MYO1B: variants seen among roughly 807,000 people sequenced by gnomAD.
MYO1B encodes the protein myosin IB.
In MYO1B, 72 loss-of-function variants were observed where a neutral mutation model predicts 159.7. The observed-to-expected ratio is 0.45, with a 90% CI of 0.37 to 0.55. MYO1B has a LOEUF of 0.55. Ranked by LOEUF, MYO1B falls within the 20% of genes least tolerant of loss-of-function variation. The probability of loss-of-function intolerance (pLI) is 0.00; values close to 1 mark genes in which losing one functional copy is unlikely to be tolerated. For synonymous variants in MYO1B, 468 were observed against 473.8 expected, an observed-to-expected ratio of 0.99 and a Z score of 0.16; for missense variants, 1,062 against 1,364.8, an observed-to-expected ratio of 0.78 and a Z score of 3.50.
At chr2:191,280,068 A>G (rs745914697) in intron 2 of MYO1B, among the ~76,000 whole-genome samples, 13 of 152,224 alleles carry the variant, frequency 8.5e-5, no homozygotes, top group Non-Finnish European at 1.8e-4. Context: ...AGAAATGAAA[A>G]ATAGTCTGTA....
chr2:191,369,652 T>A (rs1461960203), intron 12 of MYO1B, 24 bp downstream of exon 12: 1 of 1,556,406 alleles, frequency 6.4e-7, no homozygotes, highest in South Asian at 1.1e-5. Context: ...ATGAGCAAAA[T>A]CAGTTGTAAT....
At chr2:191,393,372 G>A in intron 20 of MYO1B, 150 bp downstream of exon 20, 2 of 1,004,932 alleles carry the variant, frequency 2.0e-6, no homozygotes, top group South Asian at 3.9e-5. Context: ...TTTTTTTAAA[G>A]ATGAGAAAAC....
At chr2:191,396,998 T>A (rs527720519) in intron 21 of MYO1B, among the ~76,000 whole-genome samples, 1 of 152,246 alleles carries the variant, frequency 6.6e-6, no homozygotes, top group East Asian at 1.9e-4. Flanking sequence ...CAAGGCTTGG[T>A]TCAAGGGTCA....
At chr2:191,321,983 A>G (rs1436819107) in intron 3 of MYO1B, among the ~76,000 whole-genome samples, 1 of 151,614 alleles carries the variant, frequency 6.6e-6, no homozygotes, top group African/African-American at 2.4e-5. Context: ...GCTTCCACAT[A>G]CTCTTCCATT....
At chr2:191,258,448 C>T (rs754812388) in intron 1 of MYO1B, among the ~76,000 whole-genome samples, 9 of 152,190 alleles carry the variant, frequency 5.9e-5, no homozygotes, top group Admixed American at 3.3e-4. Context: ...CTGTACACTG[C>T]TGTAGACTTT....
intron 3 of MYO1B, among the ~76,000 whole-genome samples, chr2:191,301,458 A>T (rs1689327984): frequency 6.6e-6 from 1 of 152,204 alleles, no homozygotes; most frequent in African/African-American, 2.4e-5. Flanking sequence ...TCACAACATG[A>T]CACCACAAGT....
intron 6 of MYO1B, among the ~76,000 whole-genome samples, chr2:191,346,496 C>A (rs1029861381): frequency 6.6e-6 from 1 of 152,074 alleles, no homozygotes; most frequent in East Asian, 1.9e-4. Context: ...ATCATGTTTT[C>A]TTGACATCTT....
chr2:191,375,193 T>C (rs1694619445), intron 13 of MYO1B, among the ~76,000 whole-genome samples: 1 of 152,204 alleles, frequency 6.6e-6, no homozygotes, highest in Non-Finnish European at 1.5e-5. Context: ...GACCCATATA[T>C]GGTAAGAGTA....
At chr2:191,315,675 AGACT>A (rs1483892848) in intron 3 of MYO1B, among the ~76,000 whole-genome samples, 6 of 152,238 alleles carry the variant, frequency 3.9e-5, no homozygotes, top group South Asian at 2.1e-4. Context: ...TTCTCCTGTG[AGACT>A]GACTATGTGA....
At chr2:191,312,717 A>T (rs897563554) in intron 3 of MYO1B, among the ~76,000 whole-genome samples, 2 of 152,248 alleles carry the variant, frequency 1.3e-5, no homozygotes, top group African/African-American at 2.4e-5. Flanking sequence ...TAAAACATAC[A>T]CAAGACTGGG....
chr2:191,350,720 GATACACTT>G (rs1179422643), intron 7 of MYO1B, among the ~76,000 whole-genome samples: 3 of 151,814 alleles, frequency 2.0e-5, no homozygotes, highest in Non-Finnish European at 4.4e-5. Context: ...ATTGGAATGT[GATACACTT>G]GTTAGGTAAA....
At chr2:191,328,450 G>A (rs886493205) in intron 3 of MYO1B, among the ~76,000 whole-genome samples, 9 of 152,176 alleles carry the variant, frequency 5.9e-5, no homozygotes, top group East Asian at 1.9e-4. Context: ...GTGGTCAGTC[G>A]CAGGCGTTAG....
intron 5 of MYO1B, among the ~76,000 whole-genome samples, chr2:191,345,597 A>G (rs1692517787): frequency 6.6e-6 from 1 of 152,194 alleles, no homozygotes; most frequent in Non-Finnish European, 1.5e-5. Flanking sequence ...ATTTTGCATT[A>G]TGGGCCAAAT....
intron 2 of MYO1B, among the ~76,000 whole-genome samples, chr2:191,295,320 G>T (rs1688919806): frequency 6.6e-6 from 1 of 152,146 alleles, no homozygotes; most frequent in African/African-American, 2.4e-5. Context: ...GGAATTTAGG[G>T]TCGAAGTAGA....
At chr2:191,423,717 G>A (rs1698086834) in intron 30 of MYO1B, 120 bp from the exon 31 acceptor site, 1 of 1,081,756 alleles carries the variant, frequency 9.2e-7, no homozygotes, top group African/African-American at 1.6e-5. Flanking sequence ...TTCGGATTAG[G>A]TTAGGGATGC....
intron 13 of MYO1B, among the ~76,000 whole-genome samples, chr2:191,374,949 A>T (rs946547136): frequency 6.6e-6 from 1 of 152,260 alleles, no homozygotes; most frequent in African/African-American, 2.4e-5. Flanking sequence ...AAGTTGAACA[A>T]TCTACATTGA....
intron 1 of MYO1B, among the ~76,000 whole-genome samples, chr2:191,248,367 A>C (rs1449667859): frequency 1.3e-5 from 2 of 152,214 alleles, no homozygotes; most frequent in African/African-American, 4.8e-5. Context: ...TAAACCCATC[A>C]TAAGTTGAAA....
chr2:191,398,423 A>AC (rs551169413), intron 21 of MYO1B, among the ~76,000 whole-genome samples: 80,720 of 104,682 alleles, frequency 0.77, 32,413 homozygotes, highest in East Asian at 0.98. Flanking sequence ...CGGGGGGCTG[A>AC]CCCCCCCCCA....
intron 2 of MYO1B, among the ~76,000 whole-genome samples, chr2:191,289,232 G>T (rs1030781155): frequency 1.3e-5 from 2 of 152,188 alleles, no homozygotes; most frequent in African/African-American, 4.8e-5. Context: ...ATATGGCATT[G>T]TGCAACACAA....
Sources: allele counts gnomAD v4.1 joint callset (sites outside exome capture counted in the v4.1 genomes callset), GRCh38; gene constraint gnomAD v4.1.1; transcripts MANE v1.5; gene names NCBI Gene and HGNC (gene_info 2026-07-23, HGNC 2026-07-21).